Variants in MRLN observed in about 807,000 individuals in gnomAD.
MRLN encodes Linc-RNA activator of myogenesis.
intron 1 of MRLN, among the ~76,000 whole-genome samples, chr10:59,749,554 C>T (rs1402872212): frequency 3.3e-5 from 5 of 152,048 alleles, no homozygotes; most frequent in Admixed American, 1.3e-4. Flanking sequence ...ATTAGCTGGG[C>T]GTGGTGGTTC....
chr10:59,739,720 G>T (rs932825611), intron 1 of MRLN: 1 of 152,184 alleles, frequency 6.6e-6, no homozygotes, highest in Admixed American at 6.5e-5. Flanking sequence ...AAATCTGATT[G>T]CTGTCTCCTT....
chr10:59,751,476 C>T (rs1179261683), intron 1 of MRLN, among the ~76,000 whole-genome samples: 2 of 151,664 alleles, frequency 1.3e-5, no homozygotes, highest in Non-Finnish European at 2.9e-5. Flanking sequence ...GGCTGGGCAA[C>T]ATGGCAAAAC....
At chr10:59,747,427 T>C (rs1841053852) in intron 1 of MRLN, among the ~76,000 whole-genome samples, 1 of 152,232 alleles carries the variant, frequency 6.6e-6, no homozygotes, top group Non-Finnish European at 1.5e-5. Flanking sequence ...AGCCTGATAA[T>C]TCAATGAGAT....
rs575872425 is a variant in MRLN at position 59,744,659 on chromosome 10, C to T, written c.-124-6097G>A. On this transcript the variant is annotated intron_variant, in intron 1 of 2. Transcript: ENST00000414264. Reference sequence around the variant, plus strand: ...GCCATGATGAAGATGGCGGTTTTGTCGAATAGAAAAGGGGGAAATGTGGGG... The same window carrying T: ...GCCATGATGAAGATGGCGGTTTTGTTGAATAGAAAAGGGGGAAATGTGGGG... 1.6e-4 allele frequency: 26 copies of T among 161,988 alleles called. No individual in the cohort carries two copies. In the East Asian group the frequency reaches 4.1e-3, roughly 26 times the overall value. The allele number at this position is 161,988 out of a possible 1,614,324, so 10.0% of individuals were successfully genotyped here.
intron 1 of MRLN, among the ~76,000 whole-genome samples, chr10:59,749,752 T>C (rs532692627): frequency 6.6e-6 from 1 of 151,646 alleles, no homozygotes; most frequent in East Asian, 1.9e-4. Flanking sequence ...ACTCAATAAA[T>C]AGTGCCTAGT....
At chr10:59,750,839 G>GAGGATGCAGAAATGGGTGC (rs1564727821) in intron 1 of MRLN, among the ~76,000 whole-genome samples, 1 of 152,206 alleles carries the variant, frequency 6.6e-6, no homozygotes, top group Admixed American at 6.5e-5. Flanking sequence ...TGAGTGGTGC[G>GAGGATGCAGAAATGGGTGC]AGGATGCAGA....
chr10:59,750,703 A>T (rs1031751861), intron 1 of MRLN, among the ~76,000 whole-genome samples: 3 of 152,236 alleles, frequency 2.0e-5, no homozygotes, highest in Non-Finnish European at 2.9e-5. Context: ...AGCCCTCTCC[A>T]TGAATCACAG....
At chr10:59,749,189 T>A (rs1841072929) in intron 1 of MRLN, among the ~76,000 whole-genome samples, 1 of 152,250 alleles carries the variant, frequency 6.6e-6, no homozygotes, top group African/African-American at 2.4e-5. Flanking sequence ...CAGTGCCTTC[T>A]ATACACACTT....
chr10:59,752,697 G>T (rs1475413419), intron 1 of MRLN, among the ~76,000 whole-genome samples: 5 of 152,202 alleles, frequency 3.3e-5, no homozygotes, highest in Non-Finnish European at 7.3e-5. Context: ...AACCAAGCGG[G>T]GCATTGGCCT....
At chr10:59,744,990 C>T in intron 1 of MRLN, 1 of 176,620 alleles carries the variant, frequency 5.7e-6, no homozygotes, top group Non-Finnish European at 1.1e-5. Context: ...GCAGGGCCCT[C>T]TGCCTAGGAA....
chr10:59,737,754 A>G (rs1715214389), intron 2 of MRLN, among the ~76,000 whole-genome samples: 1 of 151,800 alleles, frequency 6.6e-6, no homozygotes, highest in African/African-American at 2.4e-5. Flanking sequence ...ACATTTCTGT[A>G]TTAATAAAAC....
intron 1 of MRLN, among the ~76,000 whole-genome samples, chr10:59,741,405 T>G (rs1234195602): frequency 6.6e-6 from 1 of 152,096 alleles, no homozygotes; most frequent in Non-Finnish European, 1.5e-5. Context: ...TTTTTTGAGA[T>G]AGTATCTCAC....
intron 1 of MRLN, among the ~76,000 whole-genome samples, chr10:59,743,694 A>T (rs1346252496): frequency 6.6e-6 from 1 of 151,866 alleles, no homozygotes; most frequent in Non-Finnish European, 1.5e-5. Context: ...CCCTCTTTGC[A>T]TGGTCTCCCT....
chr10:59,736,851 T>G lies in MRLN; in HGVS notation c.*209A>C, dbSNP rs1038783745. On this transcript the variant is annotated 3_prime_UTR_variant, in exon 3 of 3. Coordinates refer to ENST00000414264, the MANE Select transcript of MRLN (RefSeq NM_001304731.2). ...CATGACTCAGTAGGATAGATGTTTT[T>G]GGGGAAAAAAATTCACTTCAGTATA... 2 of 239,974 alleles carry G rather than the reference T, an allele frequency of 8.3e-6. No homozygotes were observed. Among genetic ancestry groups the G allele is most frequent in the African/African-American group, 2.2e-5 (1 of 45,104 alleles). The allele number at this position is 239,974 out of a possible 1,614,324, so 14.9% of individuals were successfully genotyped here. A position where few individuals can be genotyped will look rare whatever the true frequency, so the allele number is the denominator to read the frequency against.
At chr10:59,739,949 G>A (rs145339300) in intron 1 of MRLN, among the ~76,000 whole-genome samples, 2,481 of 152,160 alleles carry the variant, frequency 0.016, 75 homozygotes, top group African/African-American at 0.057. Context: ...AAAATTAGCC[G>A]GGCATGGTGG....
At position 59,736,821 on chromosome 10, in the gene MRLN, A is replaced by C. The variant is rs758820958; in HGVS notation, c.*239T>G. 7.6e-4 allele frequency: 151 copies of C among 198,720 alleles called. 1 individual carries two copies. Among genetic ancestry groups the C allele is most frequent in the Non-Finnish European group, 8.1e-5 (8 of 98,910 alleles). 12.3% of individuals were successfully genotyped at this position (198,720 alleles called of 1,614,324 possible). The stretch of plus-strand genomic sequence containing the variant: ...CACCACACCTGGCTAAAAATCTAGA[A>C]GTTTCATGACTCAGTAGGATAGATG... On this transcript the variant is annotated 3_prime_UTR_variant, in exon 3 of 3. Transcript: ENST00000414264.
chr10:59,749,933 T>C (rs1340072294), intron 1 of MRLN, among the ~76,000 whole-genome samples: 1 of 151,904 alleles, frequency 6.6e-6, no homozygotes, highest in South Asian at 2.1e-4. Flanking sequence ...TTGGCTCGCC[T>C]GGCAGCACTC....
rs542549474 is a variant in MRLN, at chr10:59,751,511, TAAC to T, written c.-125+1840_-125+1842del. 3.9e-3 allele frequency among the ~76,000 whole-genome samples: 593 copies of T among 151,332 alleles called. 4 individuals are homozygous for T. The highest frequency in any genetic ancestry group is 0.013 in the African/African-American group (540 of 41,232). On this transcript the variant is annotated intron_variant, in intron 1 of 2. Transcript: ENST00000414264. ...CCCTGTCTCTACTAAAAAAAAATAA[TAAC>T]AAAAAATTAGCTGGGCATGTTGGTG...
At chr10:59,748,321 T>G (rs1291716354) in intron 1 of MRLN, among the ~76,000 whole-genome samples, 1 of 152,198 alleles carries the variant, frequency 6.6e-6, no homozygotes, top group Non-Finnish European at 1.5e-5. Flanking sequence ...GCTTCTAAAA[T>G]TTGAGTTCAA....
Sources: gnomAD v4.1 joint callset for allele counts (sites outside exome capture counted in the v4.1 genomes callset) on GRCh38, gnomAD v4.1.1 for gene constraint, MANE v1.5 for transcripts, NCBI Gene and HGNC (gene_info 2026-07-23, HGNC 2026-07-21) for gene names.